TMTC1: variants seen among roughly 807,000 people sequenced by gnomAD.
TMTC1 encodes the protein transmembrane O-mannosyltransferase targeting cadherins 1.
A neutral mutation model predicts 104.8 loss-of-function variants in TMTC1; 73 were observed. The observed-to-expected ratio is 0.70, with a 90% CI of 0.58 to 0.85. The LOEUF is 0.85. Ranked by LOEUF, TMTC1 falls within the 40% of genes least tolerant of loss-of-function variation. The pLI, the probability that TMTC1 is intolerant of heterozygous loss-of-function variation, is 0.00. For missense variants in TMTC1, 1,035 were observed against 1,096.1 expected (o/e 0.94, Z 0.79); for synonymous variants, 434 against 428.7 (o/e 1.01, Z -0.15).
chr12:29,579,731 C>G (rs1592264185), intron 8 of TMTC1, among the ~76,000 whole-genome samples: 1 of 152,156 alleles, frequency 6.6e-6, no homozygotes, highest in Non-Finnish European at 1.5e-5. Flanking sequence ...TAGGCCCAAC[C>G]AGAGCTATGC....
chr12:29,583,304 C>A, intron 8 of TMTC1, 103 bp downstream of exon 8: 2 of 1,041,358 alleles, frequency 1.9e-6, no homozygotes, highest in Non-Finnish European at 1.3e-6. Flanking sequence ...GATAATTTTC[C>A]TTAGTAAATA....
chr12:29,586,855 T>C, intron 7 of TMTC1, among the ~76,000 whole-genome samples: 1 of 151,806 alleles, frequency 6.6e-6, no homozygotes, highest in African/African-American at 2.4e-5. Flanking sequence ...TATTGAGGAT[T>C]TTTGCATCAA....
At chr12:29,547,093 A>C (rs1944963445) in intron 10 of TMTC1, among the ~76,000 whole-genome samples, 1 of 151,998 alleles carries the variant, frequency 6.6e-6, no homozygotes, top group African/African-American at 2.4e-5. Flanking sequence ...GACTACTGAA[A>C]CTCTTGCACT....
chr12:29,643,546 CAT>C (rs1370340460), intron 5 of TMTC1, among the ~76,000 whole-genome samples: 29 of 49,088 alleles, frequency 5.9e-4, no homozygotes, highest in African/African-American at 1.6e-3. Flanking sequence ...ATATATATCA[CAT>C]ATATGTTATA....
At chr12:29,586,414 G>C (rs1946135397) in intron 7 of TMTC1, among the ~76,000 whole-genome samples, 1 of 152,086 alleles carries the variant, frequency 6.6e-6, no homozygotes, top group Non-Finnish European at 1.5e-5. Context: ...TTTCCTAATT[G>C]AATATCTTTT....
rs1383294885 is a variant in TMTC1 at position 29,783,800 on chromosome 12, T to A, written c.-49A>T. On this transcript the variant is annotated 5_prime_UTR_variant, in exon 1 of 18. It removes an upstream start codon present in the reference 5' UTR. Transcript: ENST00000539277. The surrounding 1 kb of genome is among the most constrained non-coding windows in gnomAD (Gnocchi z 4.7). Reference sequence around the variant, plus strand: ...CCTGGCCTCTCCCGGGCGTCTGGCATCCTCCCCTACCGGGGCCCCGGCGGC... The same window carrying A: ...CCTGGCCTCTCCCGGGCGTCTGGCAACCTCCCCTACCGGGGCCCCGGCGGC... The A allele has an allele frequency of 6.2e-6, 7 of 1,122,188 alleles. No homozygotes were observed. The highest frequency in any genetic ancestry group is 4.3e-5 in the South Asian group (1 of 23,270). 69.5% of individuals were successfully genotyped at this position (1,122,188 alleles called of 1,614,324 possible). A position where few individuals can be genotyped will look rare whatever the true frequency, so the allele number is the denominator to read the frequency against.
chr12:29,526,424 G>A (rs140329107), intron 11 of TMTC1, among the ~76,000 whole-genome samples: 19 of 152,302 alleles, frequency 1.2e-4, no homozygotes, highest in African/African-American at 4.1e-4. Flanking sequence ...GACCATAGAA[G>A]TTTATTTAAA....
chr12:29,731,893 T>G (rs1942554860), intron 5 of TMTC1, among the ~76,000 whole-genome samples: 1 of 152,204 alleles, frequency 6.6e-6, no homozygotes, highest in Non-Finnish European at 1.5e-5. Context: ...ACTGTTTTCT[T>G]CTGCTCATTC....
At chr12:29,645,163 T>G (rs1402542128) in intron 5 of TMTC1, among the ~76,000 whole-genome samples, 1 of 152,236 alleles carries the variant, frequency 6.6e-6, no homozygotes, top group Non-Finnish European at 1.5e-5. Flanking sequence ...CCTTAGAATC[T>G]GGAAATACTT....
intron 1 of TMTC1, among the ~76,000 whole-genome samples, chr12:29,768,540 A>T (rs1219520757): frequency 1.3e-5 from 2 of 152,234 alleles, no homozygotes; most frequent in African/African-American, 4.8e-5. Flanking sequence ...CAAATGAAGC[A>T]TGAATGTGTT....
At chr12:29,632,977 C>A (rs1455186032) in intron 6 of TMTC1, among the ~76,000 whole-genome samples, 170 bp downstream of exon 6, 3 of 151,816 alleles carry the variant, frequency 2.0e-5, no homozygotes, top group Non-Finnish European at 4.4e-5. Flanking sequence ...TAGAAACAGT[C>A]AAAAAATCTA....
At chr12:29,737,004 C>T (rs879696950) in intron 5 of TMTC1, among the ~76,000 whole-genome samples, 11 of 152,244 alleles carry the variant, frequency 7.2e-5, no homozygotes, top group Admixed American at 7.2e-4. Context: ...CTCTATCCCG[C>T]AACAGCTAGT....
intron 9 of TMTC1, among the ~76,000 whole-genome samples, chr12:29,568,015 T>G (rs965575200): frequency 2.6e-5 from 4 of 152,186 alleles, no homozygotes; most frequent in African/African-American, 9.7e-5. Context: ...TCCACATACA[T>G]GTACTGCAGC....
intron 5 of TMTC1, among the ~76,000 whole-genome samples, chr12:29,735,160 T>C (rs1180966837): frequency 6.6e-6 from 1 of 152,004 alleles, no homozygotes; most frequent in Non-Finnish European, 1.5e-5. Flanking sequence ...AGACACAGAG[T>C]CCTCTGCATT....
intron 9 of TMTC1, among the ~76,000 whole-genome samples, chr12:29,567,834 G>A (rs941858723): frequency 2.2e-4 from 34 of 152,232 alleles, no homozygotes; most frequent in African/African-American, 6.5e-4. Flanking sequence ...CTGTTTGAAC[G>A]TGACAGAAAA....
At chr12:29,690,374 T>C (rs377246223) in intron 5 of TMTC1, among the ~76,000 whole-genome samples, 1 of 152,242 alleles carries the variant, frequency 6.6e-6, no homozygotes, top group East Asian at 1.9e-4. Context: ...GGAATCTCAA[T>C]TTATTTACAA....
intron 6 of TMTC1, among the ~76,000 whole-genome samples, chr12:29,618,130 A>G (rs929740322): frequency 6.6e-6 from 1 of 152,128 alleles, no homozygotes; most frequent in Non-Finnish European, 1.5e-5. Flanking sequence ...AATATGGTTG[A>G]CAGAATTCTC....
intron 5 of TMTC1, among the ~76,000 whole-genome samples, chr12:29,684,225 T>A (rs1256353318): frequency 6.6e-6 from 1 of 152,220 alleles, no homozygotes; most frequent in African/African-American, 2.4e-5. Flanking sequence ...CCATTTTTGC[T>A]TTTTCTCCAG....
At chr12:29,735,295 G>T (rs1942642556) in intron 5 of TMTC1, among the ~76,000 whole-genome samples, 1 of 152,186 alleles carries the variant, frequency 6.6e-6, no homozygotes, top group African/African-American at 2.4e-5. Context: ...TGCTGCAGGG[G>T]CCTGATTTCC....
Sources: allele counts gnomAD v4.1 joint callset (sites outside exome capture counted in the v4.1 genomes callset), GRCh38; gene constraint gnomAD v4.1.1; non-coding constraint Gnocchi (gnomAD v3.1); transcripts MANE v1.5; gene names NCBI Gene and HGNC (gene_info 2026-07-23, HGNC 2026-07-21).